The following STK3 variants were observed in gnomAD, a reference collection of about 807,000 sequenced individuals.
STK3 encodes the protein serine/threonine-protein kinase 3.
A neutral mutation model predicts 58.0 loss-of-function variants in STK3; 41 were observed. That is an observed-to-expected ratio of 0.71 (90% CI 0.55 to 0.92). STK3 has a LOEUF of 0.92. Ranked by LOEUF, STK3 falls within the 40% of genes least tolerant of loss-of-function variation. The probability of loss-of-function intolerance (pLI) is 0.00; values close to 1 mark genes in which losing one functional copy is unlikely to be tolerated. For synonymous variants in STK3, 170 were observed against 191.0 expected, an observed-to-expected ratio of 0.89 and a Z score of 0.91; for missense variants, 479 against 602.7, an observed-to-expected ratio of 0.79 and a Z score of 2.15.
intron 9 of STK3, among the ~76,000 whole-genome samples, chr8:98,544,333 G>A (rs1225456266): frequency 4.6e-5 from 7 of 152,154 alleles, no homozygotes; most frequent in Non-Finnish European, 8.8e-5. Context: ...TTTGGGTAAT[G>A]TAATTTTTAA....
At chr8:98,825,486 C>A in intron 1 of STK3, 29 bp downstream of exon 1, 1 of 1,451,206 alleles carries the variant, frequency 6.9e-7, no homozygotes, top group South Asian at 1.3e-5. Context: ...CGCCGCTTCC[C>A]TCCTTCTTCC....
intron 4 of STK3, among the ~76,000 whole-genome samples, chr8:98,719,304 A>G (rs1827239015): frequency 6.6e-6 from 1 of 152,122 alleles, no homozygotes; most frequent in South Asian, 2.1e-4. Context: ...TTCAGTACAG[A>G]CCTTTTTAGT....
chr8:98,777,024 T>C (rs1188058930), intron 1 of STK3, among the ~76,000 whole-genome samples: 1 of 151,192 alleles, frequency 6.6e-6, no homozygotes, highest in Admixed American at 6.6e-5. Context: ...CACTCCAGCC[T>C]GGGCGACAGA....
chr8:98,540,063 A>C (rs976755835), intron 9 of STK3, among the ~76,000 whole-genome samples: 9 of 152,074 alleles, frequency 5.9e-5, no homozygotes, highest in Non-Finnish European at 1.3e-4. Flanking sequence ...CTCTCCACCC[A>C]TTCTTAATAC....
chr8:98,665,925 G>C (rs1482441648), intron 6 of STK3, among the ~76,000 whole-genome samples: 1 of 151,614 alleles, frequency 6.6e-6, no homozygotes, highest in African/African-American at 2.4e-5. Context: ...GGATGGTCTC[G>C]ATCTCCTGAC....
chr8:98,531,290 A>G (rs1314720447), intron 9 of STK3, among the ~76,000 whole-genome samples: 1 of 152,238 alleles, frequency 6.6e-6, no homozygotes, highest in Non-Finnish European at 1.5e-5. Flanking sequence ...ATGGGCTACA[A>G]AATGGATGTT....
chr8:98,860,463 G>C (rs1434821315), intron 3 of STK3, among the ~76,000 whole-genome samples: 1 of 152,150 alleles, frequency 6.6e-6, no homozygotes, highest in East Asian at 1.9e-4. Flanking sequence ...TCAGAAGAAA[G>C]ACCAGTTATA....
intron 3 of STK3, among the ~76,000 whole-genome samples, chr8:98,851,808 C>T (rs982294602): frequency 6.6e-6 from 1 of 151,992 alleles, no homozygotes; most frequent in Admixed American, 6.6e-5. Context: ...TTTGAAGATA[C>T]CTTGTCTTTA....
intron 1 of STK3, among the ~76,000 whole-genome samples, chr8:98,915,649 ATG>A (rs376756149): frequency 4.7e-5 from 7 of 150,454 alleles, no homozygotes; most frequent in South Asian, 2.1e-4. Context: ...ATTGATTGAT[ATG>A]TGTGTGTGTG....
chr8:98,778,216 A>G (rs1230861652), intron 1 of STK3, among the ~76,000 whole-genome samples: 2 of 152,226 alleles, frequency 1.3e-5, no homozygotes, highest in Non-Finnish European at 1.5e-5. Context: ...AAAAGTGGGC[A>G]AAGGATATGA....
At chr8:98,640,015 A>G (rs555818144) in intron 6 of STK3, among the ~76,000 whole-genome samples, 204 of 152,118 alleles carry the variant, frequency 1.3e-3, no homozygotes, top group Non-Finnish European at 2.5e-3. Flanking sequence ...AGAGGCTGTT[A>G]TTTGTTATAT....
intron 1 of STK3, among the ~76,000 whole-genome samples, chr8:98,895,718 T>C (rs1587816073): frequency 2.0e-5 from 3 of 152,214 alleles, no homozygotes; most frequent in South Asian, 4.2e-4. Flanking sequence ...CCTGGGTCCT[T>C]GATGATCACT....
At chr8:98,668,119 T>C (rs1822509394) in intron 6 of STK3, among the ~76,000 whole-genome samples, 1 of 152,148 alleles carries the variant, frequency 6.6e-6, no homozygotes, top group African/African-American at 2.4e-5. Flanking sequence ...AGATTGGTTA[T>C]GTTCTTCTTA....
intron 4 of STK3, among the ~76,000 whole-genome samples, chr8:98,712,994 T>A (rs1443936663): frequency 6.6e-6 from 1 of 152,054 alleles, no homozygotes; most frequent in Non-Finnish European, 1.5e-5. Flanking sequence ...TCAAAACCGC[T>A]CAACTACATG....
At chr8:98,762,564 C>T (rs1191921307) in intron 3 of STK3, among the ~76,000 whole-genome samples, 1 of 152,186 alleles carries the variant, frequency 6.6e-6, no homozygotes, top group African/African-American at 2.4e-5. Context: ...GAGACCCATT[C>T]TTTGTTGTAT....
In STK3 at chr8:98,733,305, T is replaced by C. The variant is rs965326981; in HGVS notation, c.351+15971A>G. On this transcript the variant is annotated intron_variant, in intron 4 of 10. Transcript: ENST00000419617. ...GCAGGAGTCCCCAACCCCTGGGTAC[T>C]GGTCCATGGCCCGTTGGGAACTGGG... Among the ~76,000 whole-genome samples the C allele has an allele frequency of 7.9e-5, 12 of 152,226 alleles. No homozygotes were observed. The South Asian group carries it at 2.5e-3, about 31-fold the overall frequency.
At chr8:98,482,950 A>G (rs1821966255) in intron 10 of STK3, among the ~76,000 whole-genome samples, 1 of 152,200 alleles carries the variant, frequency 6.6e-6, no homozygotes, top group Admixed American at 6.5e-5. Flanking sequence ...GATGGAATGA[A>G]AGCATACGGA....
intron 3 of STK3, among the ~76,000 whole-genome samples, chr8:98,411,700 A>AG (rs1353101207): frequency 2.0e-5 from 3 of 152,208 alleles, no homozygotes; most frequent in Non-Finnish European, 4.4e-5. Context: ...TAATGTACCC[A>AG]GGGGGGCGAC....
chr8:98,738,624 T>A (rs1311817275), intron 4 of STK3, among the ~76,000 whole-genome samples: 4 of 152,180 alleles, frequency 2.6e-5, no homozygotes, highest in Non-Finnish European at 5.9e-5. Context: ...GATGGCTGAA[T>A]AGGAACAGCT....
Sources: allele counts gnomAD v4.1 joint callset (sites outside exome capture counted in the v4.1 genomes callset), GRCh38; gene constraint gnomAD v4.1.1; transcripts MANE v1.5; gene names NCBI Gene and HGNC (gene_info 2026-07-23, HGNC 2026-07-21).